Variants in PACSIN2 observed in about 807,000 individuals in gnomAD.
The protein encoded by PACSIN2 is protein kinase C and casein kinase substrate in neurons 2.
Under a neutral mutation model 63.8 loss-of-function variants are expected in PACSIN2, and 25 were observed. The ratio of observed to expected loss-of-function variants is 0.39; its 90% CI spans 0.29 to 0.55. The LOEUF (loss-of-function observed/expected upper bound fraction) is 0.55. Among genes scored for constraint, PACSIN2 ranks in the 20% least tolerant of loss-of-function variants. PACSIN2 has a pLI of 0.62. For synonymous variants in PACSIN2, 255 were observed against 256.2 expected (o/e 1.00, Z 0.05); for missense variants, 518 against 646.9 (o/e 0.80, Z 2.16).
intron 1 of PACSIN2, among the ~76,000 whole-genome samples, chr22:43,002,015 T>C (rs748862469): frequency 3.3e-5 from 5 of 152,034 alleles, no homozygotes; most frequent in Non-Finnish European, 7.4e-5. Flanking sequence ...AGTCAGTCCA[T>C]GGGGAGGGGA....
intron 1 of PACSIN2, among the ~76,000 whole-genome samples, chr22:42,983,304 G>A (rs1355284419): frequency 1.4e-5 from 2 of 142,398 alleles, no homozygotes; most frequent in South Asian, 2.2e-4. Context: ...GCAACAGAGC[G>A]AGACTCCATC....
At chr22:42,881,261 GC>G (rs1929051755) in intron 7 of PACSIN2, among the ~76,000 whole-genome samples, 2 of 152,216 alleles carry the variant, frequency 1.3e-5, no homozygotes, top group Admixed American at 6.5e-5. Context: ...TGGGTCAATA[GC>G]CCTGCGTGGA....
intron 1 of PACSIN2, among the ~76,000 whole-genome samples, chr22:42,962,183 C>CTTTT (rs3046541): frequency 2.0e-5 from 3 of 148,000 alleles, no homozygotes; most frequent in Non-Finnish European, 3.0e-5. Flanking sequence ...TACCAGAAAA[C>CTTTT]TTTTTTTTTT....
intron 1 of PACSIN2, 69 bp from the exon 2 acceptor site, chr22:42,912,226 T>C (rs1931509225): frequency 1.7e-6 from 1 of 590,010 alleles, no homozygotes; most frequent in South Asian, 2.3e-5. Context: ...TCATCTCTAT[T>C]TCACAACTTC....
chr22:42,917,091 C>T (rs773968948), intron 1 of PACSIN2, among the ~76,000 whole-genome samples: 2 of 152,194 alleles, frequency 1.3e-5, no homozygotes, highest in African/African-American at 2.4e-5. Context: ...GCCCCATGCA[C>T]TACACGCGTG....
intron 1 of PACSIN2, among the ~76,000 whole-genome samples, chr22:42,990,850 T>G (rs984698577): frequency 6.6e-6 from 1 of 152,108 alleles, no homozygotes; most frequent in Non-Finnish European, 1.5e-5. Flanking sequence ...CAAGAGCTAA[T>G]GAAAAATGCT....
At chr22:42,935,698 C>T (rs1029056651) in intron 1 of PACSIN2, among the ~76,000 whole-genome samples, 3 of 152,110 alleles carry the variant, frequency 2.0e-5, no homozygotes, top group Non-Finnish European at 4.4e-5. Flanking sequence ...ACAAGGGCAA[C>T]TTGAGAACAG....
intron 1 of PACSIN2, among the ~76,000 whole-genome samples, chr22:42,950,082 C>CG (rs905407017): frequency 6.6e-6 from 1 of 152,158 alleles, no homozygotes; most frequent in Admixed American, 6.5e-5. Flanking sequence ...CGAAAATATA[C>CG]GGGGGAAAGA....
chr22:42,888,870 C>G lies in PACSIN2; in HGVS notation c.454-72G>C, dbSNP rs1376443942. On this transcript the variant is annotated intron_variant, in intron 4 of 10. Transcript: ENST00000263246. ...GATCCTCACTAGAAGTCACACAGAC[C>G]ATGGGAATGCTTGTGCTACCAAGAG... The G allele has an allele frequency of 6.8e-6, 10 of 1,480,190 alleles. No individual in the cohort carries two copies. In the South Asian group the frequency reaches 1.1e-4, roughly 17 times the overall value. The allele number at this position is 1,480,190 out of a possible 1,614,324, so 91.7% of individuals were successfully genotyped here. A position where few individuals can be genotyped will look rare whatever the true frequency, so the allele number is the denominator to read the frequency against.
intron 1 of PACSIN2, among the ~76,000 whole-genome samples, chr22:42,989,866 AAAT>A (rs1466395586): frequency 0.013 from 1,452 of 108,496 alleles, 28 homozygotes; most frequent in African/African-American, 0.043. Context: ...GGGGAAAAAA[AAAT>A]ATATATATAT....
At chr22:42,922,227 G>T (rs918177814) in intron 1 of PACSIN2, among the ~76,000 whole-genome samples, 3 of 152,324 alleles carry the variant, frequency 2.0e-5, no homozygotes, top group African/African-American at 7.2e-5. Context: ...CGTGGCACAG[G>T]CTGGAAGCTG....
At chr22:42,979,167 C>T (rs928321948) in intron 1 of PACSIN2, among the ~76,000 whole-genome samples, 1 of 152,172 alleles carries the variant, frequency 6.6e-6, no homozygotes, top group Non-Finnish European at 1.5e-5. Flanking sequence ...AATGTCCATA[C>T]CACTGCCCAA....
intron 3 of PACSIN2, among the ~76,000 whole-genome samples, chr22:42,891,430 C>T (rs1329975263): frequency 2.0e-5 from 3 of 152,042 alleles, no homozygotes; most frequent in Admixed American, 6.6e-5. Flanking sequence ...GATGGAGTTT[C>T]GCTCTTATTG....
In PACSIN2 at chr22:42,897,138, T is replaced by C. The variant is rs138768110; in HGVS notation, c.61-3525A>G. Among the ~76,000 whole-genome samples the C allele has an allele frequency of 5.1e-3, 778 of 152,256 alleles. 5 individuals carry two copies. Among genetic ancestry groups the C allele is most frequent in the African/African-American group, 0.017 (721 of 41,532 alleles). On this transcript the variant is annotated intron_variant, in intron 2 of 10. Coordinates refer to ENST00000263246, the MANE Select transcript of PACSIN2 (RefSeq NM_001184970.3). ...TTTTTGCAGAGACAGGGTTTTGCCG[T>C]GTTGCCTAGGCTGGTCTTGAATTCC... is the stretch of plus-strand genomic sequence containing the variant.
chr22:42,975,910 C>T (rs1391724578), intron 1 of PACSIN2, among the ~76,000 whole-genome samples: 1 of 152,100 alleles, frequency 6.6e-6, no homozygotes, highest in Non-Finnish European at 1.5e-5. Flanking sequence ...AAGACAGACA[C>T]AAGAAAAAGA....
Position 42,938,083 on chromosome 22 carries a change from G to A in PACSIN2, c.-77-25926C>T, listed in dbSNP as rs1272501502. Among the ~76,000 whole-genome samples, 5 of 152,120 alleles carry A rather than the reference G, an allele frequency of 3.3e-5. No individual in the cohort carries two copies. The East Asian group carries it at 9.6e-4, about 29-fold the overall frequency. ...CTAGATGACAGCCCTAAAAACGACT[G>A]CCATTTAAGTCGAGCAAAATTTAAA... On this transcript the variant is annotated intron_variant, in intron 1 of 10. Coordinates refer to ENST00000263246, the MANE Select transcript of PACSIN2 (RefSeq NM_001184970.3).
intron 1 of PACSIN2, among the ~76,000 whole-genome samples, chr22:42,935,099 T>TG (rs35065699): frequency 0.034 from 4,942 of 146,142 alleles, 239 homozygotes; most frequent in African/African-American, 0.11. Context: ...TTTTTTTTTT[T>TG]TATTTTCAGT....
At chr22:42,956,899 T>A (rs1933938177) in intron 1 of PACSIN2, among the ~76,000 whole-genome samples, 1 of 152,144 alleles carries the variant, frequency 6.6e-6, no homozygotes, top group Non-Finnish European at 1.5e-5. Flanking sequence ...GGGAAGCATA[T>A]CAAATGTTAC....
chr22:42,948,420 G>A (rs1030451284), intron 1 of PACSIN2, among the ~76,000 whole-genome samples: 5 of 152,212 alleles, frequency 3.3e-5, no homozygotes, highest in Admixed American at 1.3e-4. Context: ...ATCTAGAAGT[G>A]AACTACCTAA....
Sources: allele counts gnomAD v4.1 joint callset (sites outside exome capture counted in the v4.1 genomes callset), GRCh38; gene constraint gnomAD v4.1.1; transcripts MANE v1.5; gene names NCBI Gene and HGNC (gene_info 2026-07-23, HGNC 2026-07-21).